The following JAK1 variants were observed in gnomAD, a reference collection of about 807,000 sequenced individuals.
JAK1 encodes the protein Janus kinase 1.
JAK1 carries 16 observed loss-of-function variants against 136.6 expected under a neutral mutation model. The ratio of observed to expected loss-of-function variants is 0.12; its 90% CI spans 0.08 to 0.18. The LOEUF is 0.18. JAK1 is among the 10% of genes least tolerant of loss of function. The pLI is 1.00. For missense variants in JAK1, 859 were observed against 1,450.1 expected, an observed-to-expected ratio of 0.59 and a Z score of 6.62; for synonymous variants, 492 against 519.5, an observed-to-expected ratio of 0.95 and a Z score of 0.72.
chr1:64,978,962 T>G (rs1341690268), intron 2 of JAK1, among the ~76,000 whole-genome samples: 2 of 152,218 alleles, frequency 1.3e-5, no homozygotes, highest in Non-Finnish European at 2.9e-5. Flanking sequence ...CAAAATTCCG[T>G]GCATCTTTAT....
At chr1:64,936,793 C>T (rs1645796916) in intron 1 of JAK1, among the ~76,000 whole-genome samples, 1 of 151,700 alleles carries the variant, frequency 6.6e-6, no homozygotes, top group South Asian at 2.1e-4. Flanking sequence ...AATGAAGAGG[C>T]TAAGCCAACG....
Position 64,834,035 on chromosome 1 carries a change from A to T in JAK1, c.*527T>A. The T allele has an allele frequency of 4.3e-6, 1 of 233,002 alleles. No individual in the cohort carries two copies. The highest frequency in any genetic ancestry group is 8.5e-6 in the Non-Finnish European group (1 of 117,892). 14.4% of individuals were successfully genotyped at this position (233,002 alleles called of 1,614,324 possible). ...AATACAGTCATTTTTGTACAGAAAC[A>T]ATATATACTACCTGGTATCTAATAT... On this transcript the variant is annotated 3_prime_UTR_variant, in exon 25 of 25. Transcript: ENST00000342505.
chr1:65,019,952 G>A (rs7525064), intron 2 of JAK1, among the ~76,000 whole-genome samples: 12,183 of 150,274 alleles, frequency 0.081, 643 homozygotes, highest in African/African-American at 0.13. Context: ...AAGGCAGAGC[G>A]TGGTGGCTCA....
chr1:65,048,596 G>A (rs1229857861), intron 1 of JAK1, among the ~76,000 whole-genome samples: 1 of 152,176 alleles, frequency 6.6e-6, no homozygotes, highest in Admixed American at 6.5e-5. Context: ...CAGAATCTCA[G>A]AAGATGCAAA....
At chr1:64,947,633 T>TC (rs1646011189) in intron 1 of JAK1, among the ~76,000 whole-genome samples, 1 of 151,558 alleles carries the variant, frequency 6.6e-6, no homozygotes, top group Non-Finnish European at 1.5e-5. Context: ...TTTTTTTTTT[T>TC]TAACTTAACC....
At chr1:65,052,076 C>T (rs1240051673) in intron 1 of JAK1, among the ~76,000 whole-genome samples, 2 of 151,450 alleles carry the variant, frequency 1.3e-5, no homozygotes, top group East Asian at 3.9e-4. Flanking sequence ...CCTCAGCCTC[C>T]GGAAGAGCTG....
intron 1 of JAK1, among the ~76,000 whole-genome samples, chr1:64,933,147 G>C (rs530050177): frequency 6.6e-6 from 1 of 152,228 alleles, no homozygotes; most frequent in East Asian, 1.9e-4. Context: ...CATCCCATAA[G>C]GTGGGTACCA....
intron 10 of JAK1, among the ~76,000 whole-genome samples, chr1:64,857,448 G>A (rs550450943): frequency 6.6e-6 from 1 of 152,320 alleles, no homozygotes; most frequent in African/African-American, 2.4e-5. Context: ...GGGCCCTACA[G>A]GGGGAGGATG....
chr1:65,022,333 A>C (rs1646944618), intron 2 of JAK1, among the ~76,000 whole-genome samples: 1 of 152,146 alleles, frequency 6.6e-6, no homozygotes, highest in Admixed American at 6.6e-5. Flanking sequence ...TTGGTCACAG[A>C]GAAGTCCATG....
At chr1:64,932,391 G>T (rs1645713369) in intron 1 of JAK1, among the ~76,000 whole-genome samples, 1 of 152,098 alleles carries the variant, frequency 6.6e-6, no homozygotes, top group African/African-American at 2.4e-5. Flanking sequence ...ACAGCCTGGC[G>T]ACAGAGCGAG....
At chr1:65,027,876 G>T (rs2132750) in intron 2 of JAK1, among the ~76,000 whole-genome samples, 5 of 152,196 alleles carry the variant, frequency 3.3e-5, no homozygotes, top group Admixed American at 6.5e-5. Context: ...ATCCAGACTA[G>T]AAGCTGTCAG....
intron 1 of JAK1, among the ~76,000 whole-genome samples, chr1:65,045,934 A>T (rs556091113): frequency 6.6e-6 from 1 of 152,314 alleles, no homozygotes; most frequent in South Asian, 2.1e-4. Context: ...TCTTAAACAC[A>T]TCAGTTAATC....
intron 10 of JAK1, among the ~76,000 whole-genome samples, chr1:64,856,953 A>T (rs1176093350): frequency 3.9e-5 from 6 of 152,194 alleles, no homozygotes; most frequent in African/African-American, 1.4e-4. Flanking sequence ...AAGTGTACTG[A>T]TGTAAAGTGT....
At chr1:65,064,373 T>C (rs1426331422) in intron 1 of JAK1, among the ~76,000 whole-genome samples, 1 of 152,124 alleles carries the variant, frequency 6.6e-6, no homozygotes, top group African/African-American at 2.4e-5. Context: ...CGAACCAGAG[T>C]AAAAGATGTT....
At chr1:64,838,382 C>T in intron 21 of JAK1, 83 bp downstream of exon 21, 1 of 1,393,714 alleles carries the variant, frequency 7.2e-7, no homozygotes, top group South Asian at 1.3e-5. Flanking sequence ...TAAACTTACC[C>T]ACTTAGAGTC....
At chr1:64,895,923 G>A (rs1448905905) in intron 1 of JAK1, among the ~76,000 whole-genome samples, 1 of 152,168 alleles carries the variant, frequency 6.6e-6, no homozygotes, top group East Asian at 1.9e-4. Context: ...TTGCAACTGT[G>A]CAAAATTTTC....
chr1:64,890,054 T>A (rs1427610524), intron 1 of JAK1, among the ~76,000 whole-genome samples: 2 of 152,212 alleles, frequency 1.3e-5, no homozygotes, highest in African/African-American at 4.8e-5. Flanking sequence ...AAAATGTTTA[T>A]GAATTAAGGT....
chr1:64,844,630 G>T lies in JAK1; in HGVS notation c.2251+124C>A. ...ATCCTGGCCAACATGGTGAAACCCC[G>T]TCTCTACTAAAATACAAAAAAAAAA... On this transcript the variant is annotated intron_variant, in intron 16 of 24. Coordinates refer to ENST00000342505, the MANE Select transcript of JAK1 (RefSeq NM_002227.4). The surrounding 1 kb of genome is among the most constrained non-coding windows in gnomAD (Gnocchi z 5.7). 8.9e-7 allele frequency: 1 copy of T among 1,127,554 alleles called. No individual in the cohort carries two copies. The allele number at this position is 1,127,554 out of a possible 1,614,324, so 69.8% of individuals were successfully genotyped here.
rs567617038 is a variant in JAK1, at chr1:64,945,049, G to A, written c.-78+21284C>T. Among the ~76,000 whole-genome samples the A allele has an allele frequency of 2.6e-5, 4 of 151,716 alleles. No individual in the cohort carries two copies. The South Asian group carries it at 8.3e-4, about 32-fold the overall frequency. ...CGGGAACAGGAGCACATCGGGATGGGCAGAACCCCTAGTCGCATATCACAC... is the reference window on the plus strand; with the variant it reads ...CGGGAACAGGAGCACATCGGGATGGACAGAACCCCTAGTCGCATATCACAC... On this transcript the variant is annotated intron_variant, in intron 1 of 24. Transcript: ENST00000342505.
Sources: allele counts gnomAD v4.1 joint callset (sites outside exome capture counted in the v4.1 genomes callset), GRCh38; gene constraint gnomAD v4.1.1; non-coding constraint Gnocchi (gnomAD v3.1); transcripts MANE v1.5; gene names NCBI Gene and HGNC (gene_info 2026-07-23, HGNC 2026-07-21).